Variants in GPC4 observed in about 807,000 individuals in gnomAD.
The protein encoded by GPC4 is glypican-4.
Under a neutral mutation model 35.0 loss-of-function variants are expected in GPC4, and 10 were observed. That is an observed-to-expected ratio of 0.29 (90% CI 0.18 to 0.48). GPC4 has a LOEUF of 0.48. GPC4 is among the 20% of genes least tolerant of loss of function. The pLI is 0.99. For synonymous variants in GPC4, 167 were observed against 170.2 expected (o/e 0.98, Z 0.15); for missense variants, 322 against 451.3 (o/e 0.71, Z 2.60).
chrX:133,343,677 C>T (rs1247506412), intron 1 of GPC4, among the ~76,000 whole-genome samples: 2 of 111,133 alleles, frequency 1.8e-5, no homozygotes, highest in African/African-American at 3.3e-5. Flanking sequence ...ATGAAGCGTG[C>T]TTTTAAAGCT....
intron 1 of GPC4, among the ~76,000 whole-genome samples, chrX:133,374,703 C>T (rs1190636375): frequency 9.0e-6 from 1 of 111,670 alleles, no homozygotes; most frequent in Non-Finnish European, 1.9e-5. Context: ...CAAGTGGAGC[C>T]CTTAAAGAAC....
At chrX:133,328,638 A>T (rs1428227009) in intron 2 of GPC4, among the ~76,000 whole-genome samples, 1 of 111,083 alleles carries the variant, frequency 9.0e-6, no homozygotes, top group Non-Finnish European at 1.9e-5. Context: ...AATCATTCTC[A>T]GAACTCAGAA....
At chrX:133,326,615 T>C (rs749321286) in intron 2 of GPC4, among the ~76,000 whole-genome samples, 1 of 112,427 alleles carries the variant, frequency 8.9e-6, no homozygotes, top group East Asian at 2.8e-4. Context: ...TTCTCCCATT[T>C]CACCTATCAG....
rs751816433 is a variant in GPC4 at position 133,346,506 on chromosome X, C to T, written c.161-7165G>A. ...TTCAAAGGGCCATCAAAAGCGAAGCCACAGGAGCTTAAGGAGACATGATGA... is the reference window on the plus strand; with the variant it reads ...TTCAAAGGGCCATCAAAAGCGAAGCTACAGGAGCTTAAGGAGACATGATGA... On this transcript the variant is annotated intron_variant, in intron 1 of 8. Coordinates refer to ENST00000370828, the MANE Select transcript of GPC4 (RefSeq NM_001448.3). Among the ~76,000 whole-genome samples, 31 of 111,278 alleles carry T rather than the reference C, an allele frequency of 2.8e-4. No individual in the cohort carries two copies. The East Asian group carries it at 8.8e-3, about 32-fold the overall frequency.
chrX:133,367,543 C>T (rs759896475), intron 1 of GPC4, among the ~76,000 whole-genome samples: 24 of 112,237 alleles, frequency 2.1e-4, no homozygotes, highest in African/African-American at 6.1e-4. Flanking sequence ...CAAACCAGGA[C>T]ACATGGGAGA....
intron 1 of GPC4, among the ~76,000 whole-genome samples, chrX:133,366,739 T>C (rs987642481): frequency 5.4e-5 from 6 of 110,767 alleles, no homozygotes; most frequent in Admixed American, 3.9e-4. Context: ...ACCCCAACTT[T>C]CCACACCTAA....
chrX:133,355,676 A>C (rs754819697), intron 1 of GPC4, among the ~76,000 whole-genome samples: 4 of 111,743 alleles, frequency 3.6e-5, no homozygotes, highest in Non-Finnish European at 7.5e-5. Context: ...TGCACCATCC[A>C]AATTGCATGT....
intron 1 of GPC4, among the ~76,000 whole-genome samples, chrX:133,367,838 G>A (rs2266809): frequency 0.42 from 46,226 of 110,775 alleles, 7,852 homozygotes; most frequent in African/African-American, 0.65. Flanking sequence ...ACTGCACTCC[G>A]GGTAAGTTGA....
Position 133,344,191 on chromosome X carries a change from G to GTTT in GPC4, c.161-4853_161-4851dup, listed in dbSNP as rs747976050. Among the ~76,000 whole-genome samples, 9 of 38,889 alleles carry GTTT rather than the reference G, an allele frequency of 2.3e-4. 1 individual carries two copies. The highest frequency in any genetic ancestry group is 4.7e-4 in the Non-Finnish European group (9 of 19,226). 33.8% of individuals were successfully genotyped at this position (38,889 alleles called of 115,157 possible). On this transcript the variant is annotated intron_variant, in intron 1 of 8. Transcript: ENST00000370828. Reference sequence around the variant, plus strand: ...TCTTTATTTTCTTTCTTTCTTTCTGGTTTTTTTTTTTTTTTTTTTTTTTTT... The same window carrying GTTT: ...TCTTTATTTTCTTTCTTTCTTTCTGGTTTTTTTTTTTTTTTTTTTTTTTTTTTT...
chrX:133,360,061 T>G (rs1001092428), intron 1 of GPC4, among the ~76,000 whole-genome samples: 8 of 110,645 alleles, frequency 7.2e-5, no homozygotes, highest in Non-Finnish European at 1.3e-4. Flanking sequence ...ACCCAAATAT[T>G]TTGGCAAAGG....
chrX:133,359,931 C>A (rs2068559465), intron 1 of GPC4, among the ~76,000 whole-genome samples: 1 of 110,695 alleles, frequency 9.0e-6, no homozygotes, highest in African/African-American at 3.3e-5. Flanking sequence ...AGAAGGGACC[C>A]TGGGAAGTAG....
intron 1 of GPC4, among the ~76,000 whole-genome samples, chrX:133,347,846 G>A (rs1022662664): frequency 1.8e-5 from 2 of 111,749 alleles, no homozygotes; most frequent in Admixed American, 9.5e-5. Flanking sequence ...TTATGCAGAT[G>A]TATGATTTGA....
intron 1 of GPC4, among the ~76,000 whole-genome samples, chrX:133,356,481 G>A (rs1603079539): frequency 1.8e-5 from 2 of 111,327 alleles, no homozygotes; most frequent in South Asian, 7.7e-4. Flanking sequence ...CTGACCTCAG[G>A]TGATCTACTC....
At chrX:133,357,030 CA>C (rs2068544654) in intron 1 of GPC4, among the ~76,000 whole-genome samples, 1 of 111,273 alleles carries the variant, frequency 9.0e-6, no homozygotes, top group African/African-American at 3.3e-5. Context: ...ATATGGAAAG[CA>C]TAACAGCTTC....
chrX:133,330,767 AC>A (rs751846800), intron 2 of GPC4, among the ~76,000 whole-genome samples: 2 of 110,172 alleles, frequency 1.8e-5, no homozygotes, highest in Non-Finnish European at 3.8e-5. Context: ...GAAAAGTGAG[AC>A]CCCATCTCTA....
chrX:133,375,512 A>G (rs1030185326), intron 1 of GPC4, among the ~76,000 whole-genome samples: 1 of 112,237 alleles, frequency 8.9e-6, no homozygotes. Flanking sequence ...TGGGAAAACC[A>G]CTTTACAACT....
intron 1 of GPC4, among the ~76,000 whole-genome samples, chrX:133,411,281 T>C (rs894466142): frequency 2.7e-5 from 3 of 111,969 alleles, no homozygotes; most frequent in African/African-American, 6.5e-5. Context: ...TCAATGTCAT[T>C]GTGAAGAGGA....
rs774692638 is a variant in GPC4 at position 133,322,921 on chromosome X, T to C, written c.711+1224A>G. On this transcript the variant is annotated intron_variant, in intron 3 of 8. Coordinates refer to ENST00000370828, the MANE Select transcript of GPC4 (RefSeq NM_001448.3). ...GTATATTTATGTTTCTTCCCTGGTA[T>C]TGACTCATGGAAAGGTAGAGGTGGT... Among the ~76,000 whole-genome samples, 5 of 111,909 alleles carry C rather than the reference T, an allele frequency of 4.5e-5. No homozygotes were observed. The South Asian group carries it at 1.5e-3, about 34-fold the overall frequency.
chrX:133,403,180 A>G (rs969783242), intron 1 of GPC4, among the ~76,000 whole-genome samples: 3 of 111,854 alleles, frequency 2.7e-5, no homozygotes, highest in African/African-American at 9.7e-5. Flanking sequence ...AATAAATGAG[A>G]TAGCTTAAAA....
Sources: allele counts gnomAD v4.1 joint callset (sites outside exome capture counted in the v4.1 genomes callset), GRCh38; gene constraint gnomAD v4.1.1; transcripts MANE v1.5; gene names NCBI Gene and HGNC (gene_info 2026-07-23, HGNC 2026-07-21).